Variants in BUB1B observed in about 807,000 individuals in gnomAD.
BUB1B encodes mitotic checkpoint serine/threonine-protein kinase BUB1 beta.
In BUB1B, 86 loss-of-function variants were observed where a neutral mutation model predicts 137.7. The observed-to-expected ratio is 0.62, with a 90% CI of 0.52 to 0.75. The LOEUF (loss-of-function observed/expected upper bound fraction) is 0.75. BUB1B is among the 30% of genes least tolerant of loss of function. BUB1B has a pLI of 0.00. For missense variants in BUB1B, 1,130 were observed against 1,236.9 expected, an observed-to-expected ratio of 0.91 and a Z score of 1.30; for synonymous variants, 420 against 417.9, an observed-to-expected ratio of 1.00 and a Z score of -0.06.
chr15:40,204,960 T>C (rs2037619251), intron 14 of BUB1B, among the ~76,000 whole-genome samples: 1 of 150,194 alleles, frequency 6.7e-6, no homozygotes, highest in Non-Finnish European at 1.5e-5. Flanking sequence ...TTTTTTTTTT[T>C]TTTTGAGACT....
At chr15:40,170,180 A>G (rs754911446) in intron 3 of BUB1B, 59 bp downstream of exon 3, 1 of 1,503,728 alleles carries the variant, frequency 6.7e-7, no homozygotes, top group Non-Finnish European at 9.3e-7. Context: ...CCTTATGGCC[A>G]TGTTTCTCAA....
chr15:40,215,577 G>A (rs1231345306), intron 20 of BUB1B, among the ~76,000 whole-genome samples: 1 of 152,006 alleles, frequency 6.6e-6, no homozygotes. Flanking sequence ...AGACCATCCT[G>A]GCTAACACAG....
chr15:40,206,039 A>T, intron 14 of BUB1B, 145 bp from the exon 15 acceptor site: 2 of 780,094 alleles, frequency 2.6e-6, no homozygotes, highest in Admixed American at 2.5e-5. Context: ...TGTGTTCATG[A>T]TATAAAAACC....
At chr15:40,162,441 A>G (rs2037052200) in intron 1 of BUB1B, among the ~76,000 whole-genome samples, 1 of 152,248 alleles carries the variant, frequency 6.6e-6, no homozygotes, top group Admixed American at 6.5e-5. Flanking sequence ...CTTTGGCTGT[A>G]GTGTTGAATA....
chr15:40,199,652 GCAGAAA>G lies in BUB1B; in HGVS notation c.1331_1336del (p.Lys444_Gln445del). 3.1e-6 allele frequency: 5 copies of G among 1,614,036 alleles called. No homozygotes were observed. Among genetic ancestry groups the G allele is most frequent in the Non-Finnish European group, 4.2e-6 (5 of 1,179,922 alleles). On this transcript the variant is annotated inframe_deletion, in exon 10 of 23. Coordinates refer to ENST00000287598, the MANE Select transcript of BUB1B (RefSeq NM_001211.6). Reference sequence around the variant, plus strand: ...CCAGTGCAGAGAAGAGAGCAGAAATGCAGAAACAGATTGAAGAGATGGAGAAGAAGC... The same window carrying G: ...CCAGTGCAGAGAAGAGAGCAGAAATGCAGATTGAAGAGATGGAGAAGAAGC...
intron 9 of BUB1B, among the ~76,000 whole-genome samples, chr15:40,196,976 C>T (rs911065333): frequency 1.3e-5 from 2 of 152,148 alleles, no homozygotes; most frequent in African/African-American, 4.8e-5. Context: ...CAGCCAAACT[C>T]CCATTGCTGC....
At chr15:40,198,188 G>C (rs1401986025) in intron 9 of BUB1B, among the ~76,000 whole-genome samples, 2 of 151,348 alleles carry the variant, frequency 1.3e-5, no homozygotes, top group African/African-American at 4.8e-5. Context: ...ATTTAATTAG[G>C]AATAAGAAGG....
At chr15:40,179,153 CTT>C (rs891202270) in intron 5 of BUB1B, among the ~76,000 whole-genome samples, 2 of 146,104 alleles carry the variant, frequency 1.4e-5, no homozygotes, top group African/African-American at 2.5e-5. Flanking sequence ...ATACTATTTC[CTT>C]TTTTTTTTTC....
At position 40,180,029 on chromosome 15, in the gene BUB1B, CT is replaced by C. The variant is rs1201351274; in HGVS notation, c.581+3364del. ...AGGAAAATAGTCTGTTGTGTTTACC[CT>C]TTTTTTTGTTGTTGTTTTTTCTTCA... is the stretch of plus-strand genomic sequence containing the variant. On this transcript the variant is annotated intron_variant, in intron 5 of 22. Coordinates refer to ENST00000287598, the MANE Select transcript of BUB1B (RefSeq NM_001211.6). Among the ~76,000 whole-genome samples the C allele has an allele frequency of 1.3e-4, 19 of 149,482 alleles. 1 individual carries two copies. The highest frequency in any genetic ancestry group is 3.7e-4 in the African/African-American group (15 of 40,650).
chr15:40,179,528 T>C (rs1487611649), intron 5 of BUB1B, among the ~76,000 whole-genome samples: 3 of 152,174 alleles, frequency 2.0e-5, no homozygotes, highest in East Asian at 3.8e-4. Context: ...GTGGGTTTCT[T>C]ATACACAGCA....
At chr15:40,200,390 A>C (rs371107003) in intron 11 of BUB1B, 31 bp downstream of exon 11, 6 of 1,555,856 alleles carry the variant, frequency 3.9e-6, no homozygotes, top group Middle Eastern at 1.7e-4. Flanking sequence ...GGGACAATGC[A>C]TATAGGAGGG....
rs960840123 is a variant in BUB1B, at chr15:40,165,137, G to A, written c.120G>A (p.Thr40=). 3.7e-6 allele frequency: 6 copies of A among 1,614,156 alleles called. No homozygotes were observed. Among genetic ancestry groups the A allele is most frequent in the South Asian group, 1.1e-5 (1 of 91,082 alleles). Residue 40 remains threonine, a synonymous_variant, in exon 2 of 23, where the codon ACG becomes ACA. Transcript: ENST00000287598. The part of the protein sequence containing the change: ...QPLRQGRIMS[T]LQGALAQESA... ...TAAGGCAAGGGCGGATCATGTCCACGCTTCAGGGAGCACTGGCACAAGAAT... is the reference window on the plus strand; with the variant it reads ...TAAGGCAAGGGCGGATCATGTCCACACTTCAGGGAGCACTGGCACAAGAAT...
intron 21 of BUB1B, 60 bp from the exon 22 acceptor site, chr15:40,218,380 CAACTTCCTACCGAAAT>C: frequency 1.8e-6 from 2 of 1,089,150 alleles, no homozygotes; most frequent in Middle Eastern, 2.1e-4. Context: ...TAATACCTTT[CAACTTCCTACCGAAAT>C]AAGCTGCCAT....
chr15:40,210,186 C>T lies in BUB1B; in HGVS notation c.2361C>T (p.Asn787=). 6.2e-7 allele frequency: 1 copy of T among 1,608,348 alleles called. No homozygotes were observed. ...AGTTATTCTGGGTGGCGCCAAGAAA[C>T]TCTGCAGAATTAACAGTAATAAAGG... ...DYKLFWVAPR[N]SAELTVIKVS... is the part of the protein sequence containing the mutation. Residue 787 remains asparagine, a synonymous_variant, in exon 18 of 23, where the codon AAC becomes AAT. Coordinates refer to ENST00000287598, the MANE Select transcript of BUB1B (RefSeq NM_001211.6).
rs373504044 is a variant in BUB1B at position 40,203,121 on chromosome 15, G to T, written c.1734+427G>T. ...AATTTGTACACAAATGTTCATAGCC[G>T]TATTACTCATGATAGTGGAAACAAC... On this transcript the variant is annotated intron_variant, in intron 14 of 22. Coordinates refer to ENST00000287598, the MANE Select transcript of BUB1B (RefSeq NM_001211.6). Among the ~76,000 whole-genome samples, 3 of 151,990 alleles carry T rather than the reference G, an allele frequency of 2.0e-5. No homozygotes were observed. The East Asian group carries it at 5.8e-4, about 29-fold the overall frequency.
At chr15:40,216,832 A>G (rs1451876737) in intron 20 of BUB1B, among the ~76,000 whole-genome samples, 3 of 151,910 alleles carry the variant, frequency 2.0e-5, no homozygotes, top group Non-Finnish European at 2.9e-5. Flanking sequence ...AACAGTTCCT[A>G]TGTCCCCTTG....
At position 40,165,195 on chromosome 15, in the gene BUB1B, C is replaced by CGGTGTGTA; in HGVS notation, c.179+1_179+8dup. 3 of 1,614,146 alleles carry CGGTGTGTA rather than the reference C, an allele frequency of 1.9e-6. No individual in the cohort carries two copies. Among genetic ancestry groups the CGGTGTGTA allele is most frequent in the Non-Finnish European group, 2.5e-6 (3 of 1,180,030 alleles). On this transcript the variant is annotated frameshift_variant and splice_region_variant, in exon 2 of 23. Transcript: ENST00000287598. LOFTEE classifies it high-confidence loss of function. ...TAACAATACTCTTCAGCAGCAGAAA[C>CGGTGTGTA]GGTGTGTAGAATGGCTGAGTCTCAA... is the stretch of plus-strand genomic sequence containing the variant.
chr15:40,185,456 C>G (rs1595519919), intron 7 of BUB1B, 77 bp downstream of exon 7: 1 of 1,587,144 alleles, frequency 6.3e-7, no homozygotes, highest in African/African-American at 1.3e-5. Context: ...TTTTTACCAT[C>G]TCTTTTAATT....
At chr15:40,171,296 C>T (rs576066669) in intron 4 of BUB1B, among the ~76,000 whole-genome samples, 42 of 152,132 alleles carry the variant, frequency 2.8e-4, no homozygotes, top group African/African-American at 9.9e-4. Flanking sequence ...GTCTGTAGTC[C>T]CAACACTTTG....
Sources: gnomAD v4.1 joint callset for allele counts (sites outside exome capture counted in the v4.1 genomes callset) on GRCh38, gnomAD v4.1.1 for gene constraint, MANE v1.5 for transcripts, NCBI Gene and HGNC (gene_info 2026-07-23, HGNC 2026-07-21) for gene names.